TBCE: variants seen among roughly 807,000 people sequenced by gnomAD.
TBCE encodes the protein tubulin-specific chaperone E.
In TBCE, 53 loss-of-function variants were observed where a neutral mutation model predicts 77.0. The observed-to-expected ratio is 0.69, with a 90% CI of 0.55 to 0.87. The LOEUF is 0.87. Ranked by LOEUF, TBCE falls within the 40% of genes least tolerant of loss-of-function variation. The pLI is 0.00. For missense variants in TBCE, 624 were observed against 622.4 expected, an observed-to-expected ratio of 1.00 and a Z score of -0.03; for synonymous variants, 235 against 241.3, an observed-to-expected ratio of 0.97 and a Z score of 0.24.
chr1:235,378,847 C>T (rs1168762965), intron 1 of TBCE, among the ~76,000 whole-genome samples: 3 of 151,660 alleles, frequency 2.0e-5, no homozygotes, highest in Admixed American at 1.3e-4. Context: ...GGCAACAGAG[C>T]GAGACTCTGT....
intron 6 of TBCE, among the ~76,000 whole-genome samples, chr1:235,428,116 A>C (rs1021466150): frequency 1.1e-4 from 17 of 151,870 alleles, no homozygotes; most frequent in African/African-American, 3.1e-4. Context: ...TGAGGTCAGG[A>C]GATCGAGACC....
chr1:235,419,261 A>C, intron 4 of TBCE: 1 of 659,258 alleles, frequency 1.5e-6, no homozygotes, highest in Non-Finnish European at 2.6e-6. Flanking sequence ...GTGTTTGGAG[A>C]GGGCCCCAGA....
At chr1:235,386,996 T>G (rs1394037715) in intron 2 of TBCE, among the ~76,000 whole-genome samples, 2 of 152,184 alleles carry the variant, frequency 1.3e-5, no homozygotes, top group Non-Finnish European at 2.9e-5. Flanking sequence ...GTCCTTCCTG[T>G]TTGTTAGTTT....
At position 235,380,876 on chromosome 1, in the gene TBCE, C is replaced by T. The variant is rs145391191; in HGVS notation, c.100+727C>T. Among the ~76,000 whole-genome samples the T allele has an allele frequency of 5.4e-3, 827 of 152,208 alleles. 8 individuals carry two copies. The highest frequency in any genetic ancestry group is 0.019 in the African/African-American group (803 of 41,530). On this transcript the variant is annotated intron_variant, in intron 2 of 16. Coordinates refer to ENST00000642610, the MANE Select transcript of TBCE (RefSeq NM_003193.5). The stretch of plus-strand genomic sequence containing the variant: ...TGTTGGCTCACCGCAACCTCTGCCT[C>T]CTGGGTTCAAGCGATTCTCCTGCCT...
At position 235,448,392 on chromosome 1, in the gene TBCE, T is replaced by C. The variant is rs1300908731; in HGVS notation, c.1443T>C (p.Leu481=). The change falls in exon 16 of 17, where the codon CTT becomes CTC. Residue 481 remains leucine (L), a synonymous_variant. Coordinates refer to ENST00000642610, the MANE Select transcript of TBCE (RefSeq NM_003193.5). The part of the protein sequence containing the change: ...IQKVKGLLSR[L]LKVPVSDLLL... ...AGGTGAAGGGATTGCTGTCACGTCT[T>C]CTCAAAGTTCCTGTGTCAGACCTTC... The C allele has an allele frequency of 1.2e-6, 2 of 1,613,986 alleles. No individual in the cohort carries two copies. Among genetic ancestry groups the C allele is most frequent in the Non-Finnish European group, 1.7e-6 (2 of 1,179,988 alleles).
At chr1:235,422,543 G>A (rs114849525) in intron 5 of TBCE, among the ~76,000 whole-genome samples, 10,137 of 149,264 alleles carry the variant, frequency 0.068, 643 homozygotes, top group African/African-American at 0.17. Flanking sequence ...AACAAAAAAC[G>A]GGGGGGCCAG....
At chr1:235,433,328 C>A in intron 7 of TBCE, 1 of 363,820 alleles carries the variant, frequency 2.7e-6, no homozygotes, top group Non-Finnish European at 4.4e-6. Context: ...CAAAATGATT[C>A]TCCTGCGTCA....
chr1:235,415,007 G>C (rs1451693362), intron 4 of TBCE: 1 of 292,214 alleles, frequency 3.4e-6, no homozygotes, highest in Non-Finnish European at 6.7e-6. Flanking sequence ...GGTGCCGTCT[G>C]TTAATAGTAG....
At chr1:235,389,635 T>C (rs1319431004) in intron 2 of TBCE, among the ~76,000 whole-genome samples, 2 of 151,722 alleles carry the variant, frequency 1.3e-5, no homozygotes, top group African/African-American at 4.8e-5. Context: ...CTGGCCTGCA[T>C]TTAGTTTAGA....
chr1:235,448,216 G>A (rs1429890292), intron 15 of TBCE, 133 bp from the exon 16 acceptor site: 1 of 687,028 alleles, frequency 1.5e-6, no homozygotes, highest in Non-Finnish European at 2.4e-6. Context: ...AAGTAAGTCA[G>A]TCTCAAAAAA....
chr1:235,435,227 T>TGA, intron 8 of TBCE, among the ~76,000 whole-genome samples: 2 of 151,696 alleles, frequency 1.3e-5, no homozygotes, highest in Non-Finnish European at 2.9e-5. Flanking sequence ...CAGCCTCCCA[T>TGA]GTAGCTGGGA....
intron 3 of TBCE, among the ~76,000 whole-genome samples, chr1:235,413,029 C>T (rs962291538): frequency 1.3e-5 from 2 of 152,148 alleles, no homozygotes; most frequent in Non-Finnish European, 2.9e-5. Flanking sequence ...TCTCGAACTC[C>T]TGACCTTAGG....
intron 2 of TBCE, among the ~76,000 whole-genome samples, chr1:235,381,921 G>A (rs1356460180): frequency 5.0e-5 from 7 of 138,728 alleles, no homozygotes; most frequent in African/African-American, 1.6e-4. Flanking sequence ...CCATTAACTC[G>A]TCATTTAGCA....
At chr1:235,390,033 G>A (rs1330432038) in intron 2 of TBCE, among the ~76,000 whole-genome samples, 3 of 151,898 alleles carry the variant, frequency 2.0e-5, no homozygotes, top group Non-Finnish European at 4.4e-5. Context: ...GGCTGAGACA[G>A]CAGAATCGCT....
At position 235,442,007 on chromosome 1, in the gene TBCE, AATT is replaced by A; in HGVS notation, c.1339+126_1339+128del. ...GTAAATGCCTTGAGTTTTAAATGAA[AATT>A]TTTTTTTTTTTTTTTGAGACAGAGT... On this transcript the variant is annotated intron_variant, in intron 14 of 16. Coordinates refer to ENST00000642610, the MANE Select transcript of TBCE (RefSeq NM_003193.5). 20 of 830,580 alleles carry A rather than the reference AATT, an allele frequency of 2.4e-5. 1 individual carries two copies. The highest frequency in any genetic ancestry group is 7.2e-5 in the African/African-American group (4 of 55,690). 51.5% of individuals were successfully genotyped at this position (830,580 alleles called of 1,614,324 possible).
chr1:235,424,840 C>T (rs191406788), intron 5 of TBCE, among the ~76,000 whole-genome samples: 21 of 152,214 alleles, frequency 1.4e-4, no homozygotes, highest in Admixed American at 3.9e-4. Flanking sequence ...AGGGTTTCAC[C>T]GTGTTGGCCA....
At chr1:235,428,210 G>A (rs1289982812) in intron 6 of TBCE, among the ~76,000 whole-genome samples, 1 of 152,070 alleles carries the variant, frequency 6.6e-6, no homozygotes, top group Non-Finnish European at 1.5e-5. Context: ...TGTAGTCCCA[G>A]CTCCTCGGGA....
chr1:235,417,123 CA>C (rs1270978983), intron 4 of TBCE, among the ~76,000 whole-genome samples: 1 of 152,120 alleles, frequency 6.6e-6, no homozygotes, highest in Non-Finnish European at 1.5e-5. Flanking sequence ...GAGACTTACT[CA>C]ATAAAGGAAT....
chr1:235,399,936 GT>G (rs1292168831), intron 2 of TBCE, among the ~76,000 whole-genome samples: 1 of 152,154 alleles, frequency 6.6e-6, no homozygotes, highest in African/African-American at 2.4e-5. Context: ...GAAGTCATCT[GT>G]GCTGATCGTT....
Sources: gnomAD v4.1 joint callset for allele counts (sites outside exome capture counted in the v4.1 genomes callset) on GRCh38, gnomAD v4.1.1 for gene constraint, MANE v1.5 for transcripts, NCBI Gene and HGNC (gene_info 2026-07-23, HGNC 2026-07-21) for gene names.